The following ABCA4 variants were observed in gnomAD, a reference collection of about 807,000 sequenced individuals.
The protein encoded by ABCA4 is ATP binding cassette subfamily A member 4.
ABCA4 carries 196 observed loss-of-function variants against 263.7 expected under a neutral mutation model. That is an observed-to-expected ratio of 0.74 (90% CI 0.66 to 0.84). The LOEUF (loss-of-function observed/expected upper bound fraction) is 0.84. ABCA4 is among the 40% of genes least tolerant of loss of function. The pLI is 0.00. For synonymous variants in ABCA4, 1,133 were observed against 1,094.2 expected (o/e 1.04, Z -0.70); for missense variants, 2,792 against 2,855.1 (o/e 0.98, Z 0.50).
intron 23 of ABCA4, among the ~76,000 whole-genome samples, chr1:94,040,710 C>T (rs1298404609): frequency 6.6e-6 from 1 of 152,168 alleles, no homozygotes; most frequent in Non-Finnish European, 1.5e-5. Flanking sequence ...ACAGTTTGTT[C>T]ACTTCGCAGC....
chr1:94,108,138 T>C (rs1008480689), intron 4 of ABCA4, among the ~76,000 whole-genome samples: 1 of 152,202 alleles, frequency 6.6e-6, no homozygotes, highest in African/African-American at 2.4e-5. Context: ...ATTTATGTCA[T>C]GATAATACAT....
At chr1:94,037,996 G>A (rs930842821) in intron 24 of ABCA4, among the ~76,000 whole-genome samples, 2 of 152,184 alleles carry the variant, frequency 1.3e-5, no homozygotes, top group Non-Finnish European at 2.9e-5. Context: ...TGGAACCGGT[G>A]ACCAAGCTGA....
chr1:94,115,903 A>G (rs1368293105), intron 1 of ABCA4, among the ~76,000 whole-genome samples: 1 of 152,120 alleles, frequency 6.6e-6, no homozygotes, highest in East Asian at 1.9e-4. Context: ...GGTGCTTGCT[A>G]AGAAACCAGC....
intron 6 of ABCA4, among the ~76,000 whole-genome samples, chr1:94,084,885 G>A (rs1570411597): frequency 6.6e-6 from 1 of 152,258 alleles, no homozygotes; most frequent in Admixed American, 6.5e-5. Flanking sequence ...GGGTGTGAAG[G>A]GAGGAAGCAA....
chr1:94,104,779 C>A (rs1490102575), intron 4 of ABCA4, among the ~76,000 whole-genome samples: 10 of 152,266 alleles, frequency 6.6e-5, no homozygotes, highest in Admixed American at 5.9e-4. Context: ...AGAAGGGCTG[C>A]TCCCTTATAT....
At chr1:94,023,581 T>C (rs901845168) in intron 31 of ABCA4, among the ~76,000 whole-genome samples, 163 bp from the exon 32 acceptor site, 45 of 152,214 alleles carry the variant, frequency 3.0e-4, no homozygotes, top group African/African-American at 1.1e-3. Flanking sequence ...CCCTGGGACA[T>C]TGCCTGAATA....
chr1:94,036,356 T>C (rs752201165), intron 26 of ABCA4, among the ~76,000 whole-genome samples: 2 of 151,200 alleles, frequency 1.3e-5, no homozygotes, highest in African/African-American at 2.4e-5. Flanking sequence ...GCCTGCTTTG[T>C]TGTTTCATGA....
intron 2 of ABCA4, among the ~76,000 whole-genome samples, chr1:94,111,855 G>C (rs566767817): frequency 6.6e-6 from 1 of 152,208 alleles, no homozygotes; most frequent in African/African-American, 2.4e-5. Context: ...GGGGGGACAC[G>C]TCATTTTGTG....
intron 40 of ABCA4, among the ~76,000 whole-genome samples, chr1:94,010,373 A>G (rs1659512109): frequency 6.6e-6 from 1 of 152,174 alleles, no homozygotes; most frequent in Non-Finnish European, 1.5e-5. Context: ...ACCCCTCCAC[A>G]TGGCTCCCAT....
rs1274326868 is a variant in ABCA4, at chr1:94,113,184, G to C, written c.67-118C>G. On this transcript the variant is annotated intron_variant, in intron 1 of 49. Transcript: ENST00000370225. Reference sequence around the variant, plus strand: ...ATGTGTGCAGTAGGACTTTGGTTGTGGTATCTTTACCTAAACAGTTTCCTT... The same window carrying C: ...ATGTGTGCAGTAGGACTTTGGTTGTCGTATCTTTACCTAAACAGTTTCCTT... 5 of 935,012 alleles carry C rather than the reference G, an allele frequency of 5.3e-6. No individual in the cohort carries two copies. In the East Asian group the frequency reaches 1.3e-4, roughly 24 times the overall value. The allele number at this position is 935,012 out of a possible 1,614,324, so 57.9% of individuals were successfully genotyped here. A position where few individuals can be genotyped will look rare whatever the true frequency, so the allele number is the denominator to read the frequency against.
intron 20 of ABCA4, among the ~76,000 whole-genome samples, chr1:94,044,385 T>C (rs1660612464): frequency 6.6e-6 from 1 of 152,214 alleles, no homozygotes; most frequent in African/African-American, 2.4e-5. Flanking sequence ...CTCACCCTTC[T>C]GAGGGAGGAG....
At position 94,023,416 on chromosome 1, in the gene ABCA4, A is replaced by G; in HGVS notation, c.4637T>C (p.Leu1546Ser). ...TTCATTGACCCAGAATTTGCTCTTT[A>G]AGCTGAAAGCCAAAATAAAATAATG... ...KTYPALIRSS[L>S]KSKFWVNEQR... Residue 1546 changes from leucine to serine, a missense_variant and splice_region_variant, in exon 32 of 50, where the codon TTA becomes TCA. By Grantham distance (145) the Leu-to-Ser change is moderately radical (BLOSUM62 -2). Transcript: ENST00000370225. 6.2e-7 allele frequency: 1 copy of G among 1,608,544 alleles called. No individual in the cohort carries two copies. The highest frequency in any genetic ancestry group is 8.5e-7 in the Non-Finnish European group (1 of 1,175,120).
In ABCA4 at chr1:94,063,178, G is replaced by T. The variant is rs765891059; in HGVS notation, c.1694C>A (p.Pro565His). 46 of 1,613,992 alleles carry T rather than the reference G, an allele frequency of 2.9e-5. No homozygotes were observed. In the Admixed American group the frequency reaches 7.7e-4, roughly 27 times the overall value. ...DMYPWTSSLPPHVKYKIRMDI... is the reference protein window; with the variant it reads ...DMYPWTSSLPHHVKYKIRMDI... The stretch of plus-strand genomic sequence containing the variant: ...CATTCGGATCTTATACTTCACGTGG[G>T]GTGGTAGAGAGCTGGTCCAGGGATA... The change falls in exon 12 of 50, where the codon CCC becomes CAC. Residue 565 changes from proline (P) to histidine (H), a missense_variant. By Grantham distance (77) the Pro-to-His change is moderately conservative. Coordinates refer to ENST00000370225, the MANE Select transcript of ABCA4 (RefSeq NM_000350.3).
chr1:93,993,193 G>A lies in ABCA4; in HGVS notation c.*44C>T, dbSNP rs767072316. The A allele has an allele frequency of 6.2e-7, 1 of 1,613,690 alleles. No homozygotes were observed. Among genetic ancestry groups the A allele is most frequent in the South Asian group, 1.1e-5 (1 of 91,060 alleles). On this transcript the variant is annotated 3_prime_UTR_variant, in exon 50 of 50. Transcript: ENST00000370225. ...GGCACAGGCTCCTGCGCCTCCAGCT[G>A]CCCAGAGTTCCTTTCTGGCTGCAGG...
At chr1:94,073,448 GC>G (rs3838279) in intron 11 of ABCA4, among the ~76,000 whole-genome samples, 42,194 of 152,076 alleles carry the variant, frequency 0.28, 6,134 homozygotes, top group East Asian at 0.49. Flanking sequence ...TTTACAGGAG[GC>G]ACTAACATCA....
At chr1:94,036,344 T>A (rs1198848914) in intron 26 of ABCA4, among the ~76,000 whole-genome samples, 1 of 151,038 alleles carries the variant, frequency 6.6e-6, no homozygotes, top group Non-Finnish European at 1.5e-5. Flanking sequence ...GGAGGAGTAT[T>A]TGCCTGCTTT....
chr1:94,043,627 C>A, intron 20 of ABCA4, 152 bp from the exon 21 acceptor site: 1 of 1,053,092 alleles, frequency 9.5e-7, no homozygotes, highest in Non-Finnish European at 1.4e-6. Context: ...AAATAGCAGA[C>A]CCTGCTTAAA....
chr1:94,007,114 C>T (rs1460788391), intron 43 of ABCA4, among the ~76,000 whole-genome samples: 1 of 152,172 alleles, frequency 6.6e-6, no homozygotes. Flanking sequence ...GTTAGGCTAC[C>T]CCAAAGGCCC....
intron 26 of ABCA4, among the ~76,000 whole-genome samples, chr1:94,034,391 T>C (rs1474615511): frequency 6.6e-6 from 1 of 152,098 alleles, no homozygotes; most frequent in Non-Finnish European, 1.5e-5. Flanking sequence ...TCCATGTTGA[T>C]CCCTTCGTTC....
Sources: allele counts gnomAD v4.1 joint callset (sites outside exome capture counted in the v4.1 genomes callset), GRCh38; gene constraint gnomAD v4.1.1; transcripts MANE v1.5; gene names NCBI Gene and HGNC (gene_info 2026-07-23, HGNC 2026-07-21).